Variants in SRGAP1 observed in about 807,000 individuals in gnomAD.
The protein encoded by SRGAP1 is SLIT-ROBO Rho GTPase activating protein 1.
SRGAP1 carries 43 observed loss-of-function variants against 121.9 expected under a neutral mutation model. The ratio of observed to expected loss-of-function variants is 0.35; its 90% CI spans 0.28 to 0.46. The LOEUF is 0.46. Ranked by LOEUF, SRGAP1 falls within the 20% of genes least tolerant of loss-of-function variation. The pLI, the probability that SRGAP1 is intolerant of heterozygous loss-of-function variation, is 1.00. For synonymous variants in SRGAP1, 447 were observed against 485.4 expected (o/e 0.92, Z 1.04); for missense variants, 1,102 against 1,350.9 (o/e 0.82, Z 2.89).
intron 3 of SRGAP1, among the ~76,000 whole-genome samples, chr12:64,000,657 G>A (rs2033861006): frequency 6.6e-6 from 1 of 152,150 alleles, no homozygotes; most frequent in African/African-American, 2.4e-5. Flanking sequence ...GCCACAAAAA[G>A]GGAAGCTTGA....
At chr12:63,855,473 G>GTTTTTTGTT (rs1899208078) in intron 1 of SRGAP1, among the ~76,000 whole-genome samples, 19 of 52,900 alleles carry the variant, frequency 3.6e-4, no homozygotes, top group African/African-American at 1.1e-3. Flanking sequence ...GAAAAATGGT[G>GTTTTTTGTT]TTTTTTTTTT....
In SRGAP1 at chr12:64,126,720, A is replaced by C. The variant is rs1341765709; in HGVS notation, c.2405+563A>C. Among the ~76,000 whole-genome samples, 5 of 152,340 alleles carry C rather than the reference A, an allele frequency of 3.3e-5. No homozygotes were observed. In the South Asian group the frequency reaches 1.0e-3, roughly 32 times the overall value. ...AAGACAAATATAGCACACAAAAGGT[A>C]TACAGTGACTGAATCATTCAGCCTA... On this transcript the variant is annotated intron_variant, in intron 19 of 21. Coordinates refer to ENST00000355086, the MANE Select transcript of SRGAP1 (RefSeq NM_020762.4).
intron 10 of SRGAP1, among the ~76,000 whole-genome samples, chr12:64,084,400 T>G (rs954775211): frequency 5.9e-5 from 9 of 152,164 alleles, no homozygotes; most frequent in Middle Eastern, 6.3e-3. Context: ...CCAAAGAAAA[T>G]GATTGAAATC....
At chr12:64,074,702 A>G (rs552680861) in intron 8 of SRGAP1, among the ~76,000 whole-genome samples, 20 of 152,268 alleles carry the variant, frequency 1.3e-4, no homozygotes, top group African/African-American at 4.1e-4. Flanking sequence ...CAATTTCAAG[A>G]GTTTAATTGA....
chr12:63,861,085 T>A (rs955906010), intron 1 of SRGAP1, among the ~76,000 whole-genome samples: 4 of 151,532 alleles, frequency 2.6e-5, no homozygotes, highest in Non-Finnish European at 4.4e-5. Context: ...TAAAGTTTTT[T>A]ATTTAATTTC....
At chr12:64,104,694 C>T (rs2036312652) in intron 15 of SRGAP1, among the ~76,000 whole-genome samples, 1 of 152,126 alleles carries the variant, frequency 6.6e-6, no homozygotes, top group South Asian at 2.1e-4. Flanking sequence ...TAGAGGCCTT[C>T]GAGACGAACA....
intron 6 of SRGAP1, among the ~76,000 whole-genome samples, chr12:64,049,972 C>T (rs377401887): frequency 4.6e-4 from 70 of 152,068 alleles, no homozygotes; most frequent in African/African-American, 1.5e-3. Flanking sequence ...ATCTGTAGAC[C>T]GCTTTGGGAA....
At chr12:64,128,674 T>C (rs552214598) in intron 21 of SRGAP1, among the ~76,000 whole-genome samples, 3 of 152,286 alleles carry the variant, frequency 2.0e-5, no homozygotes, top group South Asian at 4.1e-4. Context: ...AAGCCACAGA[T>C]AGTGCAAACC....
intron 1 of SRGAP1, among the ~76,000 whole-genome samples, chr12:63,852,539 T>C (rs1160679226): frequency 6.6e-6 from 1 of 152,214 alleles, no homozygotes; most frequent in Admixed American, 6.5e-5. Context: ...TATTTTGTCA[T>C]TATTTTTCAT....
chr12:63,933,114 G>A (rs1472860441), intron 1 of SRGAP1, among the ~76,000 whole-genome samples: 1 of 152,162 alleles, frequency 6.6e-6, no homozygotes, highest in Non-Finnish European at 1.5e-5. Context: ...CTTGAACCCG[G>A]GAGGTGGAGG....
Position 64,009,870 on chromosome 12 carries a change from A to G in SRGAP1, c.427-7080A>G, listed in dbSNP as rs899325918. On this transcript the variant is annotated intron_variant, in intron 3 of 21. Transcript: ENST00000355086. ...TAAGTACAAAACCATGTCCCGTGAC[A>G]GTTAGAAGGGAAATGTGCAGAAACA... Among the ~76,000 whole-genome samples, 2 of 152,188 alleles carry G rather than the reference A, an allele frequency of 1.3e-5. 1 individual carries two copies. The highest frequency in any genetic ancestry group is 4.8e-5 in the African/African-American group (2 of 41,420).
At chr12:63,936,621 C>T (rs185274977) in intron 1 of SRGAP1, among the ~76,000 whole-genome samples, 10 of 152,224 alleles carry the variant, frequency 6.6e-5, no homozygotes, top group Admixed American at 1.3e-4. Flanking sequence ...TAGAGGGCAC[C>T]AGAGTCATCA....
intron 19 of SRGAP1, among the ~76,000 whole-genome samples, chr12:64,126,636 T>C (rs1330384445): frequency 6.6e-6 from 1 of 152,166 alleles, no homozygotes; most frequent in Non-Finnish European, 1.5e-5. Context: ...TCATAACATA[T>C]TAAGTGAAAG....
intron 4 of SRGAP1, among the ~76,000 whole-genome samples, chr12:64,024,519 A>G (rs910665910): frequency 6.6e-6 from 1 of 152,222 alleles, no homozygotes; most frequent in Admixed American, 6.5e-5. Context: ...CTTTAGTGTT[A>G]TAATGTAAAA....
intron 15 of SRGAP1, among the ~76,000 whole-genome samples, chr12:64,099,678 G>T (rs2036224044): frequency 6.6e-6 from 1 of 152,160 alleles, no homozygotes; most frequent in Non-Finnish European, 1.5e-5. Flanking sequence ...TTTCACTTCT[G>T]GAATTCTCCT....
In SRGAP1 at chr12:64,149,312, A is replaced by C. The variant is rs946145590; in HGVS notation, c.*6640A>C. 7.2e-5 allele frequency: 11 copies of C among 152,176 alleles called. No individual in the cohort carries two copies. The East Asian group carries it at 2.1e-3, about 29-fold the overall frequency. 9.4% of individuals were successfully genotyped at this position (152,176 alleles called of 1,614,324 possible). On this transcript the variant is annotated 3_prime_UTR_variant, in exon 22 of 22. Transcript: ENST00000355086. ...AGCACTGTCTGATATGGAGACTGGAAATATTCATAGATGACACTGAAACTA... is the reference window on the plus strand; with the variant it reads ...AGCACTGTCTGATATGGAGACTGGACATATTCATAGATGACACTGAAACTA...
At position 64,142,457 on chromosome 12, in the gene SRGAP1, G is replaced by A. The variant is rs150022669; in HGVS notation, c.3043G>A (p.Val1015Ile). The change falls in exon 22 of 22, where the codon GTT becomes ATT. Residue 1015 changes from valine (V) to isoleucine (I), a missense_variant. Val to Ile is a conservative substitution (Grantham distance 29). This residue lies in a region of SRGAP1 where 315 missense variants were observed against 343.1 expected (regional missense o/e 0.92). Coordinates refer to ENST00000355086, the MANE Select transcript of SRGAP1 (RefSeq NM_020762.4). Reference protein sequence around the residue: ...STESLSPLHNVALRSSEPQIR... With the variant: ...STESLSPLHNIALRSSEPQIR... ...GGAATCTCTCAGCCCTTTGCACAAC[G>A]TTGCCCTCAGGAGCTCCGAGCCTCA... is the stretch of plus-strand genomic sequence containing the variant. 31 of 1,614,012 alleles carry A rather than the reference G, an allele frequency of 1.9e-5. No individual in the cohort carries two copies. In the South Asian group the frequency reaches 2.9e-4, roughly 15 times the overall value.
At chr12:64,134,715 T>G (rs1293902816) in intron 21 of SRGAP1, among the ~76,000 whole-genome samples, 1 of 152,162 alleles carries the variant, frequency 6.6e-6, no homozygotes, top group Non-Finnish European at 1.5e-5. Flanking sequence ...AATGCAGAGC[T>G]CCTACTTAAT....
intron 10 of SRGAP1, chr12:64,082,001 C>CTTTTTTTTTTTTTTTTTTT: frequency 2.9e-4 from 19 of 66,124 alleles, no homozygotes; most frequent in East Asian, 5.4e-4. Context: ...CATGTAAGGT[C>CTTTTTTTTTTTTTTTTTTT]TTTTTTTTTT....
Sources: gnomAD v4.1 joint callset for allele counts (sites outside exome capture counted in the v4.1 genomes callset) on GRCh38, gnomAD v4.1.1 for gene constraint, gnomAD v4.1.1 regional missense constraint, MANE v1.5 for transcripts, NCBI Gene and HGNC (gene_info 2026-07-23, HGNC 2026-07-21) for gene names.